RERE: variants seen among roughly 807,000 people sequenced by gnomAD.
The protein encoded by RERE is arginine-glutamic acid dipeptide repeats.
Under a neutral mutation model 146.1 loss-of-function variants are expected in RERE, and 40 were observed. The ratio of observed to expected loss-of-function variants is 0.27; its 90% confidence interval spans 0.21 to 0.36. The LOEUF (loss-of-function observed/expected upper bound fraction) is 0.36, where lower values mean the gene tolerates loss of function less well. Among genes scored for constraint, RERE ranks in the 10% least tolerant of loss-of-function variants. RERE has a pLI of 1.00. For synonymous variants in RERE, 1,003 were observed against 866.0 expected, an observed-to-expected ratio of 1.16 and a Z score of -2.78; for missense variants, 1,933 against 2,138.7, an observed-to-expected ratio of 0.90 and a Z score of 1.90.
chr1:8,384,206 C>T (rs1383733591), intron 12 of RERE, among the ~76,000 whole-genome samples: 1 of 152,176 alleles, frequency 6.6e-6, no homozygotes, highest in Non-Finnish European at 1.5e-5. Context: ...TCCCTCTACC[C>T]CTCTAGGCTG....
rs531170130 is a variant in RERE, at chr1:8,393,867, C to T, written c.1285-27893G>A. 7.6e-4 allele frequency among the ~76,000 whole-genome samples: 115 copies of T among 152,116 alleles called. 1 individual carries two copies. Among genetic ancestry groups the T allele is most frequent in the African/African-American group, 2.6e-3 (108 of 41,482 alleles). ...GAAAATATATTAACATATAAAAATACCTTTTAAAACTTCCTTCATTTTTTG... is the reference window on the plus strand; with the variant it reads ...GAAAATATATTAACATATAAAAATATCTTTTAAAACTTCCTTCATTTTTTG... On this transcript the variant is annotated intron_variant, in intron 12 of 22. Transcript: ENST00000400908.
chr1:8,533,928 C>A (rs1011656772), intron 7 of RERE, among the ~76,000 whole-genome samples: 2 of 152,194 alleles, frequency 1.3e-5, no homozygotes, highest in African/African-American at 4.8e-5. Flanking sequence ...TTAAAGTTAT[C>A]TTAACTTCAG....
rs768789555 is a variant in RERE, at chr1:8,364,849, C to T, written c.1448-11G>A. On this transcript the variant is annotated splice_polypyrimidine_tract_variant and intron_variant, in intron 13 of 22. Transcript: ENST00000400908. The surrounding 1 kb of genome is among the most constrained non-coding windows in gnomAD (Gnocchi z 5.1). ...CTGAACTTAGGTCCACTGGGCGTGGCAGGCACATAGTGGGGGTGGGGGAGA... is the reference window on the plus strand; with the variant it reads ...CTGAACTTAGGTCCACTGGGCGTGGTAGGCACATAGTGGGGGTGGGGGAGA... The T allele has an allele frequency of 6.3e-6, 10 of 1,583,570 alleles. No individual in the cohort carries two copies. Among genetic ancestry groups the T allele is most frequent in the Non-Finnish European group, 1.7e-6 (2 of 1,167,350 alleles).
intron 11 of RERE, among the ~76,000 whole-genome samples, chr1:8,433,632 C>T (rs1028709471): frequency 4.0e-5 from 6 of 150,644 alleles, no homozygotes; most frequent in South Asian, 4.2e-4. Flanking sequence ...GCAATCTCGG[C>T]TCACTGCAAG....
chr1:8,726,901 G>A (rs927593236), intron 1 of RERE, among the ~76,000 whole-genome samples: 2 of 152,066 alleles, frequency 1.3e-5, no homozygotes, highest in Non-Finnish European at 2.9e-5. Flanking sequence ...CACCTCCTGA[G>A]TTCAAGCAAT....
intron 1 of RERE, among the ~76,000 whole-genome samples, chr1:8,768,642 T>C (rs1640890380): frequency 6.6e-6 from 1 of 152,200 alleles, no homozygotes; most frequent in Non-Finnish European, 1.5e-5. Flanking sequence ...ACAGTAAACT[T>C]TTCTGTTAAA....
At chr1:8,380,556 C>G (rs1390311613) in intron 12 of RERE, among the ~76,000 whole-genome samples, 1 of 152,122 alleles carries the variant, frequency 6.6e-6, no homozygotes, top group African/African-American at 2.4e-5. Flanking sequence ...ACCATGTTGA[C>G]CAGGCTAGTC....
intron 8 of RERE, among the ~76,000 whole-genome samples, chr1:8,501,070 C>T (rs1277367456): frequency 2.8e-5 from 4 of 140,994 alleles, no homozygotes; most frequent in African/African-American, 8.0e-5. Context: ...GCCAGCCGCC[C>T]CGTCCGGGAG....
intron 1 of RERE, among the ~76,000 whole-genome samples, chr1:8,770,645 C>A (rs1469498148): frequency 1.3e-5 from 2 of 152,194 alleles, no homozygotes; most frequent in African/African-American, 4.8e-5. Flanking sequence ...AAGCACTCAA[C>A]AAAATGCTGT....
chr1:8,562,865 A>C (rs996468654), intron 4 of RERE, among the ~76,000 whole-genome samples: 18 of 152,186 alleles, frequency 1.2e-4, no homozygotes, highest in African/African-American at 4.3e-4. Flanking sequence ...TCCATCCCCC[A>C]AATCTGGGCT....
rs529146157 is a variant in RERE at position 8,682,622 on chromosome 1, T to C, written c.-144-26181A>G. ...GACTGGTAATAAGCCTTCCAATGTA[T>C]AGGTGGTAAAAATTGTTACCTACAC... On this transcript the variant is annotated intron_variant, in intron 1 of 22. Coordinates refer to ENST00000400908, the MANE Select transcript of RERE (RefSeq NM_001042681.2). Among the ~76,000 whole-genome samples the C allele has an allele frequency of 1.6e-4, 25 of 152,310 alleles. No individual in the cohort carries two copies. The South Asian group carries it at 4.3e-3, about 26-fold the overall frequency.
intron 1 of RERE, among the ~76,000 whole-genome samples, chr1:8,686,852 G>A (rs937419973): frequency 1.3e-5 from 2 of 152,166 alleles, no homozygotes; most frequent in Non-Finnish European, 2.9e-5. Flanking sequence ...GTCAAGGTAG[G>A]CCTCTCACTG....
intron 1 of RERE, among the ~76,000 whole-genome samples, chr1:8,712,344 A>C (rs1639685078): frequency 6.6e-6 from 1 of 152,242 alleles, no homozygotes. Flanking sequence ...AGTACAAAGG[A>C]AGGCATGGGC....
chr1:8,494,553 C>T (rs902599077), intron 10 of RERE, among the ~76,000 whole-genome samples: 4 of 151,950 alleles, frequency 2.6e-5, no homozygotes, highest in African/African-American at 9.7e-5. Context: ...GGTGAAACCC[C>T]GTCTCTACTA....
intron 1 of RERE, among the ~76,000 whole-genome samples, chr1:8,702,067 A>T (rs1349044249): frequency 6.7e-6 from 1 of 149,882 alleles, no homozygotes; most frequent in African/African-American, 2.5e-5. Context: ...GTTTCCAGAA[A>T]GAGGAAAAAA....
chr1:8,360,345 G>A lies in RERE; in HGVS notation c.3162C>T (p.Ser1054=). ...PPPITPPTCP[S]TSTPPAGPGT... The stretch of plus-strand genomic sequence containing the variant: ...CAGGTCCCGCCGGTGGGGTAGAGGT[G>A]GAGGGGCAGGTCGGAGGGGTGATGG... The change falls in exon 18 of 23, where the codon TCC becomes TCT. Residue 1054 remains serine, a synonymous_variant. Transcript: ENST00000400908. 4 of 1,506,668 alleles carry A rather than the reference G, an allele frequency of 2.7e-6. No individual in the cohort carries two copies. Among genetic ancestry groups the A allele is most frequent in the Non-Finnish European group, 3.6e-6 (4 of 1,124,982 alleles). The allele number at this position is 1,506,668 out of a possible 1,614,324, so 93.3% of individuals were successfully genotyped here. A position where few individuals can be genotyped will look rare whatever the true frequency, so the allele number is the denominator to read the frequency against.
intron 2 of RERE, among the ~76,000 whole-genome samples, chr1:8,646,354 A>G (rs1557454509): frequency 1.3e-5 from 2 of 152,124 alleles, no homozygotes; most frequent in Admixed American, 6.5e-5. Context: ...CAACAAAACA[A>G]GATCCCTTCT....
chr1:8,546,583 T>C (rs1391130428), intron 6 of RERE, among the ~76,000 whole-genome samples: 1 of 151,918 alleles, frequency 6.6e-6, no homozygotes, highest in Non-Finnish European at 1.5e-5. Context: ...TGTGGTGGCT[T>C]ACACCTGTAA....
intron 4 of RERE, among the ~76,000 whole-genome samples, chr1:8,576,857 C>T (rs985748337): frequency 6.6e-6 from 1 of 152,186 alleles, no homozygotes; most frequent in Non-Finnish European, 1.5e-5. Flanking sequence ...TTCTCCAGCA[C>T]TTATTGAAAT....
Sources: gnomAD v4.1 joint callset for allele counts (sites outside exome capture counted in the v4.1 genomes callset) on GRCh38, gnomAD v4.1.1 for gene constraint, Gnocchi (gnomAD v3.1) non-coding constraint, MANE v1.5 for transcripts, NCBI Gene and HGNC (gene_info 2026-07-23, HGNC 2026-07-21) for gene names.